The following MITF variants were observed in gnomAD, a reference collection of about 807,000 sequenced individuals.
MITF encodes microphthalmia-associated transcription factor.
Under a neutral mutation model 60.5 loss-of-function variants are expected in MITF, and 17 were observed. The observed-to-expected ratio is 0.28, with a 90% CI of 0.19 to 0.42. MITF has a LOEUF of 0.42. MITF is among the 10% of genes least tolerant of loss of function. MITF has a pLI of 1.00. For synonymous variants in MITF, 260 were observed against 248.5 expected, an observed-to-expected ratio of 1.05 and a Z score of -0.43; for missense variants, 622 against 683.5, an observed-to-expected ratio of 0.91 and a Z score of 1.00.
At chr3:69,932,617 T>C (rs904331930) in intron 2 of MITF, among the ~76,000 whole-genome samples, 3 of 152,316 alleles carry the variant, frequency 2.0e-5, no homozygotes, top group Admixed American at 2.0e-4. Context: ...CCTTGTTGTT[T>C]TTACTTTTTG....
chr3:69,822,524 C>T lies in MITF; in HGVS notation c.105-56610C>T, dbSNP rs773629288. Among the ~76,000 whole-genome samples, 5 of 152,154 alleles carry T rather than the reference C, an allele frequency of 3.3e-5. No individual in the cohort carries two copies. The South Asian group carries it at 1.0e-3, about 31-fold the overall frequency. ...TCACACCAAAACACAGACTAAAGGG[C>T]ATATTTCAAAAGTGACAGAGCTTGC... is the stretch of plus-strand genomic sequence containing the variant. On this transcript the variant is annotated intron_variant, in intron 1 of 9. Coordinates refer to ENST00000352241, the MANE Select transcript of MITF (RefSeq NM_001354604.2).
At chr3:69,755,913 T>G (rs1704129483) in intron 1 of MITF, among the ~76,000 whole-genome samples, 3 of 152,208 alleles carry the variant, frequency 2.0e-5, no homozygotes, top group Non-Finnish European at 4.4e-5. Flanking sequence ...TACTGCTGTT[T>G]TGTGCTACTA....
intron 1 of MITF, among the ~76,000 whole-genome samples, chr3:69,774,564 C>T (rs2062444910): frequency 6.6e-6 from 1 of 152,150 alleles, no homozygotes; most frequent in African/African-American, 2.4e-5. Flanking sequence ...TATCCACTGA[C>T]GCAATGTATT....
chr3:69,871,322 CTG>C (rs1239609377), intron 1 of MITF, among the ~76,000 whole-genome samples: 2 of 152,174 alleles, frequency 1.3e-5, no homozygotes, highest in African/African-American at 4.8e-5. Flanking sequence ...AAGCACATTC[CTG>C]AGTTAGTCTT....
chr3:69,855,873 G>C (rs1007388294), intron 1 of MITF, among the ~76,000 whole-genome samples: 1 of 151,768 alleles, frequency 6.6e-6, no homozygotes, highest in Non-Finnish European at 1.5e-5. Flanking sequence ...TTTTTGTTTT[G>C]TTTTGTTTTC....
intron 2 of MITF, among the ~76,000 whole-genome samples, chr3:69,882,328 A>G (rs1309792956): frequency 6.6e-6 from 1 of 152,118 alleles, no homozygotes; most frequent in Non-Finnish European, 1.5e-5. Context: ...ATTTAATAAT[A>G]TATGAATTTT....
chr3:69,944,828 T>C (rs2066055177), intron 5 of MITF, among the ~76,000 whole-genome samples: 1 of 152,176 alleles, frequency 6.6e-6, no homozygotes, highest in African/African-American at 2.4e-5. Context: ...TAGCTCTTAT[T>C]CTTGATGAAC....
chr3:69,808,816 G>A (rs1373945613), intron 1 of MITF, among the ~76,000 whole-genome samples: 1 of 152,092 alleles, frequency 6.6e-6, no homozygotes, highest in Non-Finnish European at 1.5e-5. Context: ...GGAGGTGAGG[G>A]GGAGGGATTT....
chr3:69,764,035 T>G (rs1300084824), intron 1 of MITF: 46 of 1,039,120 alleles, frequency 4.4e-5, no homozygotes, highest in Non-Finnish European at 5.5e-5. Flanking sequence ...TATGAAATCT[T>G]TGGTTCTTGT....
At chr3:69,860,577 G>C (rs1205191599) in intron 1 of MITF, among the ~76,000 whole-genome samples, 1 of 116,634 alleles carries the variant, frequency 8.6e-6, no homozygotes, top group African/African-American at 3.3e-5. Flanking sequence ...CCGCCTGGGC[G>C]ACAGAACGAG....
At position 69,964,812 on chromosome 3, in the gene MITF, CCTATT is replaced by C. The variant is rs200731663; in HGVS notation, c.1180-34_1180-30del. The C allele has an allele frequency of 3.7e-5, 60 of 1,608,184 alleles. No individual in the cohort carries two copies. In the East Asian group the frequency reaches 1.3e-3, roughly 35 times the overall value. ...AGGCTTAAAAGTCCTCTGTGCTCTG[CCTATT>C]TCAGTGTTTTATCTTTACTCTTATT... On this transcript the variant is annotated intron_variant, in intron 9 of 9. Coordinates refer to ENST00000352241, the MANE Select transcript of MITF (RefSeq NM_001354604.2).
chr3:69,767,898 A>G (rs2062326009), intron 1 of MITF, among the ~76,000 whole-genome samples: 1 of 152,196 alleles, frequency 6.6e-6, no homozygotes, highest in Non-Finnish European at 1.5e-5. Flanking sequence ...AGCCCTGAAG[A>G]TAGGTTGTGA....
chr3:69,807,163 C>G (rs1356284451), intron 1 of MITF, among the ~76,000 whole-genome samples: 1 of 152,182 alleles, frequency 6.6e-6, no homozygotes, highest in Non-Finnish European at 1.5e-5. Flanking sequence ...TTTCACCTAT[C>G]ATGTTGGTTG....
intron 2 of MITF, among the ~76,000 whole-genome samples, chr3:69,931,678 T>C (rs2065726141): frequency 6.6e-6 from 1 of 152,224 alleles, no homozygotes; most frequent in Non-Finnish European, 1.5e-5. Context: ...TATGAAAGTA[T>C]ACAGACCCAT....
At chr3:69,831,256 T>C (rs1418558031) in intron 1 of MITF, among the ~76,000 whole-genome samples, 1 of 152,172 alleles carries the variant, frequency 6.6e-6, no homozygotes, top group Non-Finnish European at 1.5e-5. Flanking sequence ...CCCATTATTA[T>C]CATCACTAAT....
chr3:69,754,287 G>T (rs1478104336), intron 1 of MITF, among the ~76,000 whole-genome samples: 1 of 151,878 alleles, frequency 6.6e-6, no homozygotes, highest in Non-Finnish European at 1.5e-5. Flanking sequence ...CATGATCTAG[G>T]CTTACTGCAA....
chr3:69,959,349 C>A lies in MITF; in HGVS notation c.1108C>A (p.Arg370Ser). The A allele has an allele frequency of 6.2e-7, 1 of 1,613,976 alleles. No homozygotes were observed. The highest frequency in any genetic ancestry group is 8.5e-7 in the Non-Finnish European group (1 of 1,179,952). ...YIRKLQREQQ[R>S]AKELENRQKK... is the part of the protein sequence containing the mutation. ...CCGAAAGTTGCAACGAGAACAGCAA[C>A]GCGCAAAAGAACTTGAAAACCGACA... is the stretch of plus-strand genomic sequence containing the variant. The change falls in exon 9 of 10, where the codon CGC becomes AGC. Residue 370 changes from arginine (R) to serine (S), a missense_variant. Physicochemically the swap from Arg to Ser is moderately radical, Grantham distance 110. Around this residue, in one of 5 missense-constraint regions of MITF, gnomAD observed 224 missense variants for 209.5 expected, o/e 1.07. Coordinates refer to ENST00000352241, the MANE Select transcript of MITF (RefSeq NM_001354604.2).
At chr3:69,832,105 A>T (rs1005218840) in intron 1 of MITF, among the ~76,000 whole-genome samples, 1 of 152,202 alleles carries the variant, frequency 6.6e-6, no homozygotes, top group African/African-American at 2.4e-5. Flanking sequence ...AGTGAATACA[A>T]TACATGTCAT....
intron 8 of MITF, 98 bp from the exon 9 acceptor site, chr3:69,959,175 T>C: frequency 7.0e-7 from 1 of 1,423,448 alleles, no homozygotes; most frequent in Non-Finnish European, 9.5e-7. Context: ...TAAAAAAAAA[T>C]TTTAAAAAGT....
Sources: gnomAD v4.1 joint callset for allele counts (sites outside exome capture counted in the v4.1 genomes callset) on GRCh38, gnomAD v4.1.1 for gene constraint, gnomAD v4.1.1 regional missense constraint, MANE v1.5 for transcripts, NCBI Gene and HGNC (gene_info 2026-07-23, HGNC 2026-07-21) for gene names.